RBFOX1: variants seen among roughly 807,000 people sequenced by gnomAD.
The protein encoded by RBFOX1 is RNA binding protein fox-1 homolog 1.
Under a neutral mutation model 57.7 loss-of-function variants are expected in RBFOX1, and 8 were observed. The ratio of observed to expected loss-of-function variants is 0.14; its 90% CI spans 0.08 to 0.25. The LOEUF (loss-of-function observed/expected upper bound fraction) is 0.25, where lower values mean the gene tolerates loss of function less well. Among genes scored for constraint, RBFOX1 ranks in the 10% least tolerant of loss-of-function variants. The probability of loss-of-function intolerance (pLI) is 1.00; values close to 1 mark genes in which losing one functional copy is unlikely to be tolerated. For synonymous variants in RBFOX1, 326 were observed against 222.4 expected, an observed-to-expected ratio of 1.47 and a Z score of -4.15; for missense variants, 611 against 548.5, an observed-to-expected ratio of 1.11 and a Z score of -1.14.
chr16:7,391,678 C>A (rs554789327), intron 4 of RBFOX1, among the ~76,000 whole-genome samples: 2 of 152,318 alleles, frequency 1.3e-5, no homozygotes, highest in Admixed American at 6.5e-5. Flanking sequence ...TACTCTTCCC[C>A]CAAAAGACTG....
At chr16:6,966,271 G>C (rs140754120) in intron 3 of RBFOX1, among the ~76,000 whole-genome samples, 1 of 152,100 alleles carries the variant, frequency 6.6e-6, no homozygotes, top group Non-Finnish European at 1.5e-5. Flanking sequence ...TGAGCCTCCC[G>C]TTGACTGGGC....
At chr16:5,343,649 C>G (rs2065081100) in intron 1 of RBFOX1, among the ~76,000 whole-genome samples, 1 of 152,134 alleles carries the variant, frequency 6.6e-6, no homozygotes, top group African/African-American at 2.4e-5. Flanking sequence ...CCATTATTTT[C>G]TTTCAGAAGA....
At chr16:6,799,077 A>T (rs944249909) in intron 3 of RBFOX1, among the ~76,000 whole-genome samples, 3 of 152,040 alleles carry the variant, frequency 2.0e-5, no homozygotes, top group Non-Finnish European at 4.4e-5. Flanking sequence ...ATAATCTAGG[A>T]TGTGTGAAGA....
At chr16:6,259,544 C>T (rs1287552833) in intron 1 of RBFOX1, among the ~76,000 whole-genome samples, 4 of 152,130 alleles carry the variant, frequency 2.6e-5, no homozygotes, top group African/African-American at 9.7e-5. Flanking sequence ...CCTGATTCAC[C>T]TCCATGAGTT....
At chr16:6,875,186 G>A (rs1053223630) in intron 3 of RBFOX1, among the ~76,000 whole-genome samples, 1 of 152,206 alleles carries the variant, frequency 6.6e-6, no homozygotes, top group East Asian at 1.9e-4. Context: ...CATCTTCTTT[G>A]TATTATTATA....
At chr16:6,450,752 T>C (rs181419003) in intron 2 of RBFOX1, among the ~76,000 whole-genome samples, 6 of 57,776 alleles carry the variant, frequency 1.0e-4, no homozygotes, top group East Asian at 5.0e-4. Flanking sequence ...TATATATATA[T>C]ACATATATAT....
chr16:7,137,670 G>T (rs75875143), intron 4 of RBFOX1, among the ~76,000 whole-genome samples: 2 of 152,126 alleles, frequency 1.3e-5, no homozygotes, highest in South Asian at 2.1e-4. Flanking sequence ...CAGATTAGGG[G>T]CAAGCTCCTT....
At chr16:7,668,686 G>A (rs377361620) in intron 13 of RBFOX1, among the ~76,000 whole-genome samples, 1 of 150,690 alleles carries the variant, frequency 6.6e-6, no homozygotes, top group Non-Finnish European at 1.5e-5. Context: ...ACACACTTTT[G>A]TATAAAAAGA....
chr16:5,480,336 T>C (rs1436988548), intron 2 of RBFOX1, among the ~76,000 whole-genome samples: 3 of 151,628 alleles, frequency 2.0e-5, no homozygotes, highest in Admixed American at 1.3e-4. Flanking sequence ...GTACTACACA[T>C]CCATAAACAC....
chr16:6,154,561 C>G (rs945723224), intron 1 of RBFOX1, among the ~76,000 whole-genome samples: 1 of 152,076 alleles, frequency 6.6e-6, no homozygotes, highest in African/African-American at 2.4e-5. Flanking sequence ...ATGAGGATGA[C>G]AAGATGGTCT....
At chr16:7,264,959 C>G (rs544711062) in intron 4 of RBFOX1, among the ~76,000 whole-genome samples, 2 of 152,226 alleles carry the variant, frequency 1.3e-5, no homozygotes, top group Non-Finnish European at 2.9e-5. Flanking sequence ...TTCCATGACT[C>G]AATGCCACCA....
chr16:6,775,484 G>A (rs1017265398), intron 3 of RBFOX1, among the ~76,000 whole-genome samples: 1 of 151,704 alleles, frequency 6.6e-6, no homozygotes, highest in Non-Finnish European at 1.5e-5. Context: ...TAGGTGATAA[G>A]ATTAAAAATG....
intron 4 of RBFOX1, among the ~76,000 whole-genome samples, chr16:7,071,077 G>C (rs891713257): frequency 2.8e-4 from 42 of 152,164 alleles, no homozygotes; most frequent in Non-Finnish European, 1.0e-4. Context: ...TTTACTCAAA[G>C]CCTGAGAAAG....
intron 4 of RBFOX1, among the ~76,000 whole-genome samples, chr16:7,138,052 C>A (rs1165317176): frequency 1.3e-5 from 2 of 152,106 alleles, no homozygotes; most frequent in South Asian, 2.1e-4. Context: ...ATTTTAGTCA[C>A]CATCTTAAGA....
rs889128476 is a variant in RBFOX1 at position 6,020,576 on chromosome 16, C to T, written c.-127+584C>T. 3.3e-5 allele frequency among the ~76,000 whole-genome samples: 5 copies of T among 152,120 alleles called. No homozygotes were observed. The East Asian group carries it at 5.8e-4, about 18-fold the overall frequency. On this transcript the variant is annotated intron_variant, in intron 1 of 15. Coordinates refer to ENST00000550418, the MANE Select transcript of RBFOX1 (RefSeq NM_018723.4). ...CTCGACCCCAGGGGAGGGGGCCAGC[C>T]GGGAAACCTGCGAATGGGAAACTCC...
intron 1 of RBFOX1, among the ~76,000 whole-genome samples, chr16:6,193,398 A>ATATATATACATTATATATATATAC (rs1567651214): frequency 6.4e-5 from 4 of 62,860 alleles, no homozygotes; most frequent in South Asian, 5.4e-4. Context: ...TATACTATAT[A>ATATATATACATTATATATATATAC]TATATATATA....
chr16:5,296,434 C>G (rs971444331), intron 1 of RBFOX1, among the ~76,000 whole-genome samples: 5 of 151,978 alleles, frequency 3.3e-5, no homozygotes, highest in Non-Finnish European at 7.3e-5. Flanking sequence ...CCCATTGAGT[C>G]TATTTAATTG....
intron 4 of RBFOX1, among the ~76,000 whole-genome samples, chr16:7,328,007 C>G (rs181387918): frequency 2.0e-5 from 3 of 152,114 alleles, no homozygotes; most frequent in African/African-American, 7.2e-5. Flanking sequence ...TCTTCCTTCT[C>G]TTTCATTGAC....
intron 1 of RBFOX1, among the ~76,000 whole-genome samples, chr16:6,052,779 G>T (rs901741350): frequency 7.1e-6 from 1 of 140,968 alleles, no homozygotes; most frequent in Non-Finnish European, 1.6e-5. Flanking sequence ...GCGAGACTCC[G>T]TCTCAAAAAA....
Sources: allele counts gnomAD v4.1 joint callset (sites outside exome capture counted in the v4.1 genomes callset), GRCh38; gene constraint gnomAD v4.1.1; transcripts MANE v1.5; gene names NCBI Gene and HGNC (gene_info 2026-07-23, HGNC 2026-07-21).